The following SLC52A3 variants were observed in gnomAD, a reference collection of about 807,000 sequenced individuals.
SLC52A3 encodes the protein solute carrier family 52, riboflavin transporter, member 3.
SLC52A3 carries 20 observed loss-of-function variants against 29.5 expected under a neutral mutation model. The observed-to-expected ratio is 0.68, with a 90% CI of 0.48 to 0.99. The LOEUF (loss-of-function observed/expected upper bound fraction) is 0.99, where lower values mean the gene tolerates loss of function less well. SLC52A3 is among the 50% of genes least tolerant of loss of function. The pLI, the probability that SLC52A3 is intolerant of heterozygous loss-of-function variation, is 0.00. For synonymous variants in SLC52A3, 301 were observed against 271.0 expected (o/e 1.11, Z -1.09); for missense variants, 548 against 612.9 (o/e 0.89, Z 1.12).
upstream of SLC52A3, among the ~76,000 whole-genome samples, chr20:773,064 GTTTTC>G (rs1986896798): frequency 6.6e-6 from 1 of 152,224 alleles, no homozygotes; most frequent in Non-Finnish European, 1.5e-5. Flanking sequence ...CAGCTTGGGT[GTTTTC>G]TCTAGAGCAA....
chr20:761,610 T>G, intron 4 of SLC52A3, 91 bp downstream of exon 4: 1 of 1,571,956 alleles, frequency 6.4e-7, no homozygotes, highest in Admixed American at 1.9e-5. Context: ...CAGACCCCGC[T>G]CGCTGGAAAG....
At chr20:774,788 T>C (rs542471671) in intron 1 of SLC52A3, among the ~76,000 whole-genome samples, 1 of 152,178 alleles carries the variant, frequency 6.6e-6, no homozygotes, top group Non-Finnish European at 1.5e-5. Context: ...ATGTCCCTAT[T>C]GCACAGGTGG....
upstream of SLC52A3, among the ~76,000 whole-genome samples, chr20:777,939 C>G (rs567802570): frequency 5.3e-5 from 8 of 151,472 alleles, no homozygotes; most frequent in South Asian, 1.3e-3. Flanking sequence ...TTACATCTAT[C>G]AAGGAAATCT....
upstream of SLC52A3, among the ~76,000 whole-genome samples, chr20:769,499 A>T (rs535552754): frequency 3.3e-3 from 497 of 152,358 alleles, 7 homozygotes; most frequent in Middle Eastern, 6.8e-3. Context: ...GTTGCTAGGA[A>T]CATGCACTAA....
chr20:772,588 T>G (rs560938001), upstream of SLC52A3, among the ~76,000 whole-genome samples: 16 of 17,908 alleles, frequency 8.9e-4, no homozygotes, highest in Admixed American at 2.0e-3. Flanking sequence ...GTATTTTCTG[T>G]TTTTTTTTTT....
At position 763,569 on chromosome 20, in the gene SLC52A3, G is replaced by T; in HGVS notation, c.1002C>A (p.Tyr334Ter). Residue 334 changes from tyrosine to a stop codon, truncating the protein, a stop_gained, in exon 3 of 5, where the codon TAC becomes TAA. Coordinates refer to ENST00000645534, the MANE Select transcript of SLC52A3 (RefSeq NM_033409.4). LOFTEE classifies it high-confidence loss of function. ...YSCLSYGPVA[Y>*]HLAATLSIVA... Reference sequence around the variant, plus strand: ...CAATGCTGAGGGTGGCAGCCAGGTGGTAGGCAACTGGCCCATAGGACAGGC... The same window carrying T: ...CAATGCTGAGGGTGGCAGCCAGGTGTTAGGCAACTGGCCCATAGGACAGGC... 6.2e-7 allele frequency: 1 copy of T among 1,614,196 alleles called. No homozygotes were observed. Among genetic ancestry groups the T allele is most frequent in the Non-Finnish European group, 8.5e-7 (1 of 1,180,026 alleles).
Position 774,955 on chromosome 20 carries a change from G to C in SLC52A3, c.-238+1000C>G, listed in dbSNP as rs563108044. ...GCCTTGGTTTCTCCATCTGTGAAAG[G>C]GTCTGGGAATGCCCAGCCTTTCTGG... On this transcript the variant is annotated intron_variant, in intron 1 of 5. Coordinates refer to the SLC52A3 transcript ENST00000217254. Among the ~76,000 whole-genome samples the C allele has an allele frequency of 7.2e-5, 11 of 152,326 alleles. No homozygotes were observed. In the East Asian group the frequency reaches 2.1e-3, roughly 29 times the overall value.
At chr20:762,409 T>C (rs1421624905) in intron 3 of SLC52A3, among the ~76,000 whole-genome samples, 2 of 152,208 alleles carry the variant, frequency 1.3e-5, no homozygotes, top group East Asian at 1.9e-4. Flanking sequence ...GCTGGCTTGT[T>C]GCTGCTAGGA....
chr20:766,854 G>T (rs1040392781), intron 1 of SLC52A3, among the ~76,000 whole-genome samples: 3 of 152,008 alleles, frequency 2.0e-5, no homozygotes, highest in Non-Finnish European at 2.9e-5. Flanking sequence ...TATAGAAGAG[G>T]GCCAAGGATA....
Position 765,613 on chromosome 20 carries a change from C to T in SLC52A3, c.162G>A (p.Gly54=). ...GATGGAGCAGGGTGACCAGGAGGGGCCCGATGTTGGCCAGCTGGATGACCA... is the reference window on the plus strand; with the variant it reads ...GATGGAGCAGGGTGACCAGGAGGGGTCCGATGTTGGCCAGCTGGATGACCA... The part of the protein sequence containing the change: ...LTVVIQLANI[G]PLLVTLLHHF... The change falls in exon 2 of 5, where the codon GGG becomes GGA. Residue 54 remains glycine, a synonymous_variant. Coordinates refer to ENST00000645534, the MANE Select transcript of SLC52A3 (RefSeq NM_033409.4). The surrounding 1 kb of genome is among the most constrained non-coding windows in gnomAD (Gnocchi z 6.6). 6.2e-7 allele frequency: 1 copy of T among 1,600,346 alleles called. No homozygotes were observed. The highest frequency in any genetic ancestry group is 8.5e-7 in the Non-Finnish European group (1 of 1,174,348).
chr20:777,310 C>G (rs1219298486), upstream of SLC52A3, among the ~76,000 whole-genome samples: 5 of 151,760 alleles, frequency 3.3e-5, no homozygotes, highest in African/African-American at 1.2e-4. Context: ...TCTCAAAAGG[C>G]CAACCTGCAA....
chr20:776,328 TTCAGTAAG>T (rs1335343618), upstream of SLC52A3, among the ~76,000 whole-genome samples: 5 of 152,160 alleles, frequency 3.3e-5, no homozygotes, highest in Non-Finnish European at 7.3e-5. Flanking sequence ...ATACTGGTGC[TTCAGTAAG>T]TCATGTGGAA....
At position 761,766 on chromosome 20, in the gene SLC52A3, T is replaced by A; in HGVS notation, c.1132A>T (p.Met378Leu). Residue 378 changes from methionine to leucine, a missense_variant, in exon 4 of 5, where the codon ATG becomes TTG. Met to Leu is a conservative substitution (Grantham distance 15). Around this residue, in one of 2 missense-constraint regions of SLC52A3, gnomAD observed 173 missense variants for 141.8 expected, o/e 1.22. Coordinates refer to ENST00000645534, the MANE Select transcript of SLC52A3 (RefSeq NM_033409.4). The stretch of plus-strand genomic sequence containing the variant: ...CAGGGGCTCATCACCGCCATGGCCA[T>A]GTTGTAGCCCCCAAAGCAGGTCCCA... The part of the protein sequence containing the change: ...VLGTCFGGYN[M>L]AMAVMSPCPL... 1 of 1,614,102 alleles carries A rather than the reference T, an allele frequency of 6.2e-7. No homozygotes were observed. The highest frequency in any genetic ancestry group is 8.5e-7 in the Non-Finnish European group (1 of 1,179,996).
chr20:779,583 C>T (rs570410809), upstream of SLC52A3, among the ~76,000 whole-genome samples: 1 of 152,310 alleles, frequency 6.6e-6, no homozygotes, highest in East Asian at 1.9e-4. Context: ...TGCACCACTG[C>T]ACTCCAGGCT....
upstream of SLC52A3, among the ~76,000 whole-genome samples, chr20:776,472 C>T (rs75004638): frequency 3.3e-5 from 5 of 152,084 alleles, no homozygotes. Context: ...ATCTTCATGG[C>T]CTTTTGGAGA....
chr20:776,936 C>T (rs1305639914), upstream of SLC52A3, among the ~76,000 whole-genome samples: 1 of 151,054 alleles, frequency 6.6e-6, no homozygotes, highest in Non-Finnish European at 1.5e-5. Flanking sequence ...GTCAAATCTG[C>T]AAAAAACCTG....
upstream of SLC52A3, among the ~76,000 whole-genome samples, chr20:779,544 C>G (rs1987155740): frequency 6.6e-6 from 1 of 152,158 alleles, no homozygotes; most frequent in Non-Finnish European, 1.5e-5. Flanking sequence ...AGCTTGAACC[C>G]AGAGGCAGAG....
In SLC52A3 at chr20:765,817, G is replaced by C; in HGVS notation, c.-43C>G. 6.3e-7 allele frequency: 1 copy of C among 1,584,738 alleles called. No individual in the cohort carries two copies. The highest frequency in any genetic ancestry group is 8.6e-7 in the Non-Finnish European group (1 of 1,161,148). On this transcript the variant is annotated 5_prime_UTR_variant, in exon 2 of 5. Transcript: ENST00000645534. This position sits in a 1 kb window ranked among gnomAD's most constrained non-coding sequence, Gnocchi z 6.6. Reference sequence around the variant, plus strand: ...GCCAGAGGCTTTCTCAGATCAGCCTGCAGCGGGGCTGGCAGAGAAGGACAC... The same window carrying C: ...GCCAGAGGCTTTCTCAGATCAGCCTCCAGCGGGGCTGGCAGAGAAGGACAC...
intron 4 of SLC52A3, 166 bp from the exon 5 acceptor site, chr20:761,404 G>A (rs992647771): frequency 2.4e-6 from 2 of 836,674 alleles, no homozygotes; most frequent in African/African-American, 1.7e-5. Context: ...TGAGTTGGCC[G>A]CCCGGGGGCG....
Sources: gnomAD v4.1 joint callset for allele counts (sites outside exome capture counted in the v4.1 genomes callset) on GRCh38, gnomAD v4.1.1 for gene constraint, gnomAD v4.1.1 regional missense constraint, Gnocchi (gnomAD v3.1) non-coding constraint, MANE v1.5 for transcripts, NCBI Gene and HGNC (gene_info 2026-07-23, HGNC 2026-07-21) for gene names.